STXBP3: variants seen among roughly 807,000 people sequenced by gnomAD.
STXBP3 encodes syntaxin binding protein 3.
A neutral mutation model predicts 85.7 loss-of-function variants in STXBP3; 41 were observed. The observed-to-expected ratio is 0.48, with a 90% CI of 0.37 to 0.62. STXBP3 has a LOEUF of 0.62. STXBP3 is among the 20% of genes least tolerant of loss of function. The probability of loss-of-function intolerance (pLI) is 0.00; values close to 1 mark genes in which losing one functional copy is unlikely to be tolerated. For synonymous variants in STXBP3, 229 were observed against 231.7 expected (o/e 0.99, Z 0.10); for missense variants, 563 against 703.1 (o/e 0.80, Z 2.25).
chr1:108,770,151 C>T (rs1480423689), intron 6 of STXBP3, among the ~76,000 whole-genome samples: 1 of 152,020 alleles, frequency 6.6e-6, no homozygotes, highest in Non-Finnish European at 1.5e-5. Flanking sequence ...AAGGAATTAG[C>T]CAGGTGTGGT....
chr1:108,750,244 C>A (rs1297361678), intron 1 of STXBP3, among the ~76,000 whole-genome samples: 1 of 152,050 alleles, frequency 6.6e-6, no homozygotes, highest in African/African-American at 2.4e-5. Context: ...AGGAATGAAG[C>A]TAGCTTTGAA....
At chr1:108,747,185 G>T (rs1452345738) in intron 1 of STXBP3, among the ~76,000 whole-genome samples, 1 of 151,350 alleles carries the variant, frequency 6.6e-6, no homozygotes, top group African/African-American at 2.5e-5. Context: ...AGACAATTCG[G>T]GCGCTGTTTA....
chr1:108,750,509 T>C (rs1008307339), intron 1 of STXBP3, among the ~76,000 whole-genome samples: 1 of 152,208 alleles, frequency 6.6e-6, no homozygotes, highest in East Asian at 1.9e-4. Flanking sequence ...AAAATGACTA[T>C]AAATAACTGA....
chr1:108,766,229 GA>G lies in STXBP3; in HGVS notation c.438+6154del, dbSNP rs199743923. 5.2e-3 allele frequency among the ~76,000 whole-genome samples: 725 copies of G among 140,402 alleles called. 13 individuals carry two copies. Among genetic ancestry groups the G allele is most frequent in the Admixed American group, 0.034 (484 of 14,276 alleles). 92.1% of individuals were successfully genotyped at this position (140,402 alleles called of 152,430 possible). A position where few individuals can be genotyped will look rare whatever the true frequency, so the allele number is the denominator to read the frequency against. On this transcript the variant is annotated intron_variant, in intron 6 of 18. Transcript: ENST00000370008. ...CCACAGAAAAATTGCCCCCGCCCCT[GA>G]AAAAAAAAAGGTCATGCAAGAAAAT...
intron 9 of STXBP3, 99 bp from the exon 10 acceptor site, chr1:108,782,323 T>C: frequency 1.1e-6 from 1 of 912,230 alleles, no homozygotes; most frequent in Non-Finnish European, 1.7e-6. Flanking sequence ...ACTTTTCAGT[T>C]TCTTGAGTTG....
In STXBP3 at chr1:108,756,756, C is replaced by A; in HGVS notation, c.248C>A (p.Pro83Gln). 1 of 1,590,426 alleles carries A rather than the reference C, an allele frequency of 6.3e-7. No homozygotes were observed. The highest frequency in any genetic ancestry group is 2.3e-5 in the East Asian group (1 of 43,930). The change falls in exon 4 of 19, where the codon CCG (proline) becomes CAG (glutamine). Residue 83 changes from proline to glutamine, a missense_variant. Physicochemically the swap from Pro to Gln is moderately conservative, Grantham distance 76 (BLOSUM62 -1). Transcript: ENST00000370008. The stretch of plus-strand genomic sequence containing the variant: ...ATGAAAGCTCTTTATTTCATCACTC[C>A]GACATCAAAGGTGAGTATTTTGAGA... ...RQMKALYFIT[P>Q]TSKSVDCFLH...
In STXBP3 at chr1:108,807,293, G is replaced by A. The variant is rs545955435; in HGVS notation, c.1536-108G>A. The A allele has an allele frequency of 1.2e-5, 13 of 1,065,440 alleles. No individual in the cohort carries two copies. The African/African-American group carries it at 2.1e-4, about 17-fold the overall frequency. 66.0% of individuals were successfully genotyped at this position (1,065,440 alleles called of 1,614,324 possible). A position where few individuals can be genotyped will look rare whatever the true frequency, so the allele number is the denominator to read the frequency against. On this transcript the variant is annotated intron_variant, in intron 17 of 18. Transcript: ENST00000370008. ...AAAAAAAAAAAAAATCAATGTAATTGGTAGCAAGTTTGAGTTTGGTTGAGT... is the reference window on the plus strand; with the variant it reads ...AAAAAAAAAAAAAATCAATGTAATTAGTAGCAAGTTTGAGTTTGGTTGAGT...
chr1:108,768,351 C>T (rs772684577), intron 6 of STXBP3, among the ~76,000 whole-genome samples: 1 of 152,092 alleles, frequency 6.6e-6, no homozygotes, highest in Non-Finnish European at 1.5e-5. Flanking sequence ...CTGCCTGCCT[C>T]GGCTTCCCAA....
chr1:108,775,377 G>A (rs1219082068), intron 7 of STXBP3, among the ~76,000 whole-genome samples: 2 of 151,750 alleles, frequency 1.3e-5, no homozygotes, highest in African/African-American at 4.8e-5. Flanking sequence ...GTCACATCAG[G>A]GTAAACGGGA....
chr1:108,802,853 C>T (rs1174461795), intron 17 of STXBP3, among the ~76,000 whole-genome samples: 1 of 152,162 alleles, frequency 6.6e-6, no homozygotes, highest in Non-Finnish European at 1.5e-5. Flanking sequence ...TGTGTGTCCT[C>T]CTGCAGCCTG....
At chr1:108,750,293 C>A (rs992900478) in intron 1 of STXBP3, among the ~76,000 whole-genome samples, 1 of 152,070 alleles carries the variant, frequency 6.6e-6, no homozygotes, top group Non-Finnish European at 1.5e-5. Flanking sequence ...TGAGCTCTAC[C>A]GGAGAAAATC....
At chr1:108,793,497 A>G in intron 11 of STXBP3, 85 bp from the exon 12 acceptor site, 1 of 1,203,190 alleles carries the variant, frequency 8.3e-7, no homozygotes, top group Non-Finnish European at 1.2e-6. Context: ...AGATTTGATA[A>G]TTTGTAAAAC....
At chr1:108,793,237 T>C (rs1344272558) in intron 11 of STXBP3, among the ~76,000 whole-genome samples, 1 of 149,146 alleles carries the variant, frequency 6.7e-6, no homozygotes, top group Non-Finnish European at 1.5e-5. Context: ...TTCAGTGGTG[T>C]TTGGAAAACA....
At chr1:108,765,338 G>A (rs1662237476) in intron 6 of STXBP3, among the ~76,000 whole-genome samples, 2 of 152,186 alleles carry the variant, frequency 1.3e-5, no homozygotes, top group African/African-American at 4.8e-5. Context: ...AGCCTCCATG[G>A]GTAGGCCCAC....
intron 1 of STXBP3, among the ~76,000 whole-genome samples, chr1:108,748,325 G>A (rs1053473811): frequency 9.2e-5 from 14 of 152,124 alleles, no homozygotes; most frequent in Non-Finnish European, 1.6e-4. Flanking sequence ...CCTGAGCCTA[G>A]GAGTGGGCAA....
intron 8 of STXBP3, 32 bp downstream of exon 8, chr1:108,776,455 A>C (rs1355868544): frequency 6.7e-7 from 1 of 1,502,196 alleles, no homozygotes; most frequent in Non-Finnish European, 9.1e-7. Context: ...ATGACTATGC[A>C]TAAAGTCTGT....
At chr1:108,775,181 C>T (rs889899350) in intron 7 of STXBP3, among the ~76,000 whole-genome samples, 2 of 151,968 alleles carry the variant, frequency 1.3e-5, no homozygotes, top group African/African-American at 4.8e-5. Context: ...GGTATACAAC[C>T]TAAAGATTCT....
At position 108,794,911 on chromosome 1, in the gene STXBP3, T is replaced by C; in HGVS notation, c.1110+4T>C. 6.3e-7 allele frequency: 1 copy of C among 1,599,340 alleles called. No individual in the cohort carries two copies. Among genetic ancestry groups the C allele is most frequent in the Non-Finnish European group, 8.5e-7 (1 of 1,171,596 alleles). ...AAAGCTCTGCAAAACTGAACAGGTA[T>C]GTGCAGAGTCAGAAATGCCTCTGTT... is the stretch of plus-strand genomic sequence containing the variant. On this transcript the variant is annotated splice_donor_region_variant and intron_variant, in intron 13 of 18. Transcript: ENST00000370008.
At chr1:108,800,166 C>A in intron 16 of STXBP3, 54 bp from the exon 17 acceptor site, 1 of 1,316,982 alleles carries the variant, frequency 7.6e-7, no homozygotes, top group Non-Finnish European at 1.1e-6. Context: ...TTATGCCAAA[C>A]AAAGTCCTGC....
Sources: gnomAD v4.1 joint callset for allele counts (sites outside exome capture counted in the v4.1 genomes callset) on GRCh38, gnomAD v4.1.1 for gene constraint, MANE v1.5 for transcripts, NCBI Gene and HGNC (gene_info 2026-07-23, HGNC 2026-07-21) for gene names.